The following ZIC3 variants were observed in gnomAD, a reference collection of about 807,000 sequenced individuals.
The protein encoded by ZIC3 is Zic family zinc finger 3, also known as zinc finger protein ZIC 3.
A neutral mutation model predicts 18.3 loss-of-function variants in ZIC3; 6 were observed. The ratio of observed to expected loss-of-function variants is 0.33; its 90% CI spans 0.18 to 0.65. ZIC3 has a LOEUF of 0.65. Ranked by LOEUF, ZIC3 falls within the 30% of genes least tolerant of loss-of-function variation. The probability of loss-of-function intolerance (pLI) is 0.75; values close to 1 mark genes in which losing one functional copy is unlikely to be tolerated. For missense variants in ZIC3, 260 were observed against 410.0 expected (o/e 0.63, Z 3.16); for synonymous variants, 175 against 177.0 (o/e 0.99, Z 0.09).
At chrX:137,573,154 AAAAAAAC>A (rs1931462748), downstream of ZIC3, among the ~76,000 whole-genome samples, 1 of 64,742 alleles carries the variant, frequency 1.5e-5, no homozygotes, top group African/African-American at 5.9e-5. Context: ...AAAAAAAAAA[AAAAAAAC>A]CAAACAAACC....
chrX:137,569,797 CTTG>C lies in ZIC3; in HGVS notation c.1225-88_1225-86del, dbSNP rs760965423. 276 of 893,162 alleles carry C rather than the reference CTTG, an allele frequency of 3.1e-4. 1 individual carries two copies. The highest frequency in any genetic ancestry group is 2.1e-3 in the Middle Eastern group (5 of 2,428). 73.6% of individuals were successfully genotyped at this position (893,162 alleles called of 1,213,427 possible). ...TCTTTTAAGTGGGTCACTGGGCGGT[CTTG>C]TTGTTACAGTGCTCGAATTCTGCTC... On this transcript the variant is annotated intron_variant, in intron 2 of 2. Coordinates refer to ENST00000287538, the MANE Select transcript of ZIC3 (RefSeq NM_003413.4).
At position 137,570,181 on chromosome X, in the gene ZIC3, C is replaced by A. The variant is rs1931418145; in HGVS notation, c.*111C>A. 1 of 924,534 alleles carries A rather than the reference C, an allele frequency of 1.1e-6. No homozygotes were observed. Among genetic ancestry groups the A allele is most frequent in the Non-Finnish European group, 1.6e-6 (1 of 641,795 alleles). The allele number at this position is 924,534 out of a possible 1,213,427, so 76.2% of individuals were successfully genotyped here. Reference sequence around the variant, plus strand: ...TTAAGGCAAGAGGCCATATATAGGGCTACATCTTGTTAATTGCAATTGTCC... The same window carrying A: ...TTAAGGCAAGAGGCCATATATAGGGATACATCTTGTTAATTGCAATTGTCC... On this transcript the variant is annotated 3_prime_UTR_variant, in exon 3 of 3. Transcript: ENST00000287538.
chrX:137,567,879 A>T (rs1474227359), intron 1 of ZIC3, 128 bp downstream of exon 1: 13 of 1,114,265 alleles, frequency 1.2e-5, no homozygotes, highest in Non-Finnish European at 1.5e-5. Context: ...CGCTCGAAAA[A>T]GAAGCGCTGT....
downstream of ZIC3, among the ~76,000 whole-genome samples, chrX:137,573,164 A>C: frequency 9.7e-6 from 1 of 103,618 alleles, no homozygotes; most frequent in East Asian, 3.1e-4. Context: ...AAAAAAACCA[A>C]ACAAACCAAA....
downstream of ZIC3, among the ~76,000 whole-genome samples, chrX:137,572,391 T>A (rs937120732): frequency 7.1e-5 from 8 of 111,987 alleles, no homozygotes; most frequent in African/African-American, 2.6e-4. Flanking sequence ...TTGGGATGAC[T>A]ACACATGTGA....
Position 137,567,147 on chromosome X carries a change from C to T in ZIC3, c.456C>T (p.Gly152=). ...CGAGCAGCCTGCATGCTCCAGCTGG[C>T]ATCCCCGAGCCCCCTAGCTACTTGC... is the stretch of plus-strand genomic sequence containing the variant. The part of the protein sequence containing the change: ...GSASSLHAPA[G]IPEPPSYLLF... Residue 152 remains glycine (G), a synonymous_variant, in exon 1 of 3, where the codon GGC becomes GGT. Transcript: ENST00000287538. The T allele has an allele frequency of 2.5e-6, 3 of 1,206,865 alleles. No individual in the cohort carries two copies. The highest frequency in any genetic ancestry group is 2.2e-6 in the Non-Finnish European group (2 of 892,617).
intron 2 of ZIC3, 61 bp downstream of exon 2, chrX:137,569,126 G>A: frequency 8.5e-7 from 1 of 1,170,692 alleles, no homozygotes; most frequent in Non-Finnish European, 1.2e-6. Context: ...GCCGGGCCGC[G>A]GAACGGAAGC....
rs776898356 is a variant in ZIC3, at chrX:137,569,339, G to C, written c.1224+274G>C. On this transcript the variant is annotated intron_variant, in intron 2 of 2. Transcript: ENST00000287538. ...CGAGCTCGCCTGGGCTTGCGGGGCTGCCGTGGCCGCCTCTTCCCGACTCAG... is the reference window on the plus strand; with the variant it reads ...CGAGCTCGCCTGGGCTTGCGGGGCTCCCGTGGCCGCCTCTTCCCGACTCAG... Among the ~76,000 whole-genome samples the C allele has an allele frequency of 6.2e-4, 70 of 112,274 alleles. 1 individual carries two copies. Among genetic ancestry groups the C allele is most frequent in the Non-Finnish European group, 9.4e-5 (5 of 53,146 alleles).
intron 1 of ZIC3, among the ~76,000 whole-genome samples, chrX:137,568,111 A>T (rs1388685549): frequency 8.8e-6 from 1 of 113,190 alleles, no homozygotes; most frequent in Non-Finnish European, 1.9e-5. Context: ...CTCGGCACAC[A>T]TTCGTGGAAG....
chrX:137,572,463 A>T (rs1388241122), downstream of ZIC3, among the ~76,000 whole-genome samples: 1 of 112,140 alleles, frequency 8.9e-6, no homozygotes, highest in Non-Finnish European at 1.9e-5. Context: ...TGACCTTGAC[A>T]TTGAGGGTGC....
At chrX:137,568,114 C>A in intron 1 of ZIC3, among the ~76,000 whole-genome samples, 1 of 113,225 alleles carries the variant, frequency 8.8e-6, no homozygotes, top group East Asian at 2.8e-4. Context: ...GGCACACATT[C>A]GTGGAAGGCA....
At chrX:137,576,959 AC>A (rs1231184244), downstream of ZIC3, among the ~76,000 whole-genome samples, 1 of 112,059 alleles carries the variant, frequency 8.9e-6, no homozygotes, top group African/African-American at 3.2e-5. Flanking sequence ...CTGCGTCAAG[AC>A]CATTTGAATT....
In ZIC3 at chrX:137,566,603, T is replaced by C; in HGVS notation, c.-89T>C. ...CGCAGTGTCCAACCGCCGCCACCCC[T>C]TTCCGACTACGGCACTTCGGAGATC... On this transcript the variant is annotated 5_prime_UTR_variant, in exon 1 of 3. Transcript: ENST00000287538. 8.6e-7 allele frequency: 1 copy of C among 1,156,931 alleles called. No homozygotes were observed. The highest frequency in any genetic ancestry group is 2.5e-5 in the Admixed American group (1 of 39,216).
chrX:137,573,560 T>G (rs752751341), downstream of ZIC3, among the ~76,000 whole-genome samples: 5 of 112,318 alleles, frequency 4.5e-5, no homozygotes, highest in African/African-American at 1.6e-4. Flanking sequence ...GCCCTGGCTC[T>G]CTCTCCCCCT....
At position 137,566,640 on chromosome X, in the gene ZIC3, C is replaced by G. The variant is rs968239917; in HGVS notation, c.-52C>G. ...GCACTTCGGAGATCTCCTCCTTCGC[C>G]GGTACCCTCTCTCACTTCGGCCGGA... On this transcript the variant is annotated 5_prime_UTR_variant, in exon 1 of 3. Transcript: ENST00000287538. 3 of 1,180,712 alleles carry G rather than the reference C, an allele frequency of 2.5e-6. No homozygotes were observed. Among genetic ancestry groups the G allele is most frequent in the African/African-American group, 3.5e-5 (2 of 56,668 alleles).
rs1168203890 is a variant in ZIC3 at position 137,571,977 on chromosome X, G to A, written c.*1907G>A. 8.9e-6 allele frequency among the ~76,000 whole-genome samples: 1 copy of A among 112,016 alleles called. No individual in the cohort carries two copies. The highest frequency in any genetic ancestry group is 1.9e-5 in the Non-Finnish European group (1 of 53,201). On this transcript the variant is annotated 3_prime_UTR_variant, in exon 3 of 3. Coordinates refer to ENST00000287538, the MANE Select transcript of ZIC3 (RefSeq NM_003413.4). ...TAGGCTTAAGTACCTCCTTTAAGGG[G>A]CAATGCTCTAGGTTTTTGGTGGCAG...
chrX:137,567,382 G>A lies in ZIC3; in HGVS notation c.691G>A (p.Ala231Thr), dbSNP rs1931365714. ...GAACATGAACATGGGAGTGAACGTG[G>A]CGGCCCACCACGGGCCCGGCGCCTT... ...PMNMNMGVNV[A>T]AHHGPGAFFR... Residue 231 changes from alanine (A) to threonine (T), a missense_variant, in exon 1 of 3, where the codon GCG becomes ACG. Coordinates refer to ENST00000287538, the MANE Select transcript of ZIC3 (RefSeq NM_003413.4). The A allele has an allele frequency of 8.3e-6, 10 of 1,211,591 alleles. No homozygotes were observed. The highest frequency in any genetic ancestry group is 1.7e-5 in the African/African-American group (1 of 57,870).
rs1388056683 is a variant in ZIC3 at position 137,567,062 on chromosome X, G to C, written c.371G>C (p.Ser124Thr). The change falls in exon 1 of 3, where the codon AGC becomes ACC. Residue 124 changes from serine (S) to threonine (T), a missense_variant. Physicochemically the swap from Ser to Thr is moderately conservative, Grantham distance 58 (BLOSUM62 1). This residue lies in a region of ZIC3 where 183 missense variants were observed against 223.8 expected (regional missense o/e 0.82). Transcript: ENST00000287538. ...CGCGAGTTTCTGTTCCGCCAGCGCA[G>C]CTCCGGGCTCAGTGAGGCGGCCTCG... ...STREFLFRQR[S>T]SGLSEAASGG... is the part of the protein sequence containing the mutation. 3 of 1,178,140 alleles carry C rather than the reference G, an allele frequency of 2.5e-6. No homozygotes were observed. In the African/African-American group the frequency reaches 5.3e-5, roughly 21 times the overall value.
rs1759548526 is a variant in ZIC3 at position 137,571,264 on chromosome X, AAAT to A, written c.*1195_*1197del. On this transcript the variant is annotated 3_prime_UTR_variant, in exon 3 of 3. Transcript: ENST00000287538. ...TCTTTATTACCTTACATAAAAATGA[AAAT>A]TGCGGCAGGATGCATGTCTGTCTGT... 8.9e-6 allele frequency: 1 copy of A among 112,216 alleles called. No individual in the cohort carries two copies. The highest frequency in any genetic ancestry group is 3.7e-4 in the South Asian group (1 of 2,677). The allele number at this position is 112,216 out of a possible 1,213,427, so 9.2% of individuals were successfully genotyped here. A position where few individuals can be genotyped will look rare whatever the true frequency, so the allele number is the denominator to read the frequency against.
Sources: allele counts gnomAD v4.1 joint callset (sites outside exome capture counted in the v4.1 genomes callset), GRCh38; gene constraint gnomAD v4.1.1; regional missense constraint gnomAD v4.1.1; transcripts MANE v1.5; gene names NCBI Gene and HGNC (gene_info 2026-07-23, HGNC 2026-07-21).